Variants in ME3 observed in about 807,000 individuals in gnomAD.
ME3 encodes malic enzyme 3.
Under a neutral mutation model 68.9 loss-of-function variants are expected in ME3, and 48 were observed. The ratio of observed to expected loss-of-function variants is 0.70; its 90% CI spans 0.55 to 0.89. ME3 has a LOEUF of 0.89. ME3 is among the 40% of genes least tolerant of loss of function. ME3 has a pLI of 0.00. For missense variants in ME3, 675 were observed against 797.4 expected (o/e 0.85, Z 1.85); for synonymous variants, 320 against 318.8 (o/e 1.00, Z -0.04).
intron 2 of ME3, among the ~76,000 whole-genome samples, chr11:86,584,094 A>G (rs960144264): frequency 2.0e-5 from 3 of 152,214 alleles, no homozygotes; most frequent in Admixed American, 1.3e-4. Context: ...TCCAAAATAT[A>G]TAAGGAACTC....
chr11:86,589,314 T>C (rs1958919829), intron 2 of ME3, among the ~76,000 whole-genome samples: 1 of 151,760 alleles, frequency 6.6e-6, no homozygotes, highest in African/African-American at 2.4e-5. Context: ...GTGCCTGGCT[T>C]GTAGTAGGAG....
chr11:86,601,073 G>C (rs1414152511), intron 2 of ME3, among the ~76,000 whole-genome samples: 2 of 152,104 alleles, frequency 1.3e-5, no homozygotes, highest in African/African-American at 2.4e-5. Context: ...ACATTCAAAA[G>C]CTAGCAGAAG....
At chr11:86,483,390 C>T (rs1951520232) in intron 7 of ME3, among the ~76,000 whole-genome samples, 1 of 151,992 alleles carries the variant, frequency 6.6e-6, no homozygotes, top group Admixed American at 6.6e-5. Flanking sequence ...GTAACTGGCT[C>T]CAGATATCAG....
At chr11:86,651,032 C>T (rs1331739565) in intron 2 of ME3, among the ~76,000 whole-genome samples, 1 of 152,168 alleles carries the variant, frequency 6.6e-6, no homozygotes, top group Non-Finnish European at 1.5e-5. Flanking sequence ...TGCAAGGTGG[C>T]AGCGAGGCTG....
At chr11:86,437,952 T>G (rs532990773), downstream of ME3, among the ~76,000 whole-genome samples, 3 of 152,290 alleles carry the variant, frequency 2.0e-5, no homozygotes, top group Admixed American at 2.0e-4. Flanking sequence ...TACTCTTTCT[T>G]TCCAATCTTG....
At chr11:86,478,732 C>T (rs1160283012) in intron 7 of ME3, among the ~76,000 whole-genome samples, 1 of 152,184 alleles carries the variant, frequency 6.6e-6, no homozygotes, top group Admixed American at 6.5e-5. Context: ...CAATGAAAAA[C>T]AATAAAGTGT....
At chr11:86,660,658 A>C (rs1946215408) in intron 2 of ME3, among the ~76,000 whole-genome samples, 1 of 152,122 alleles carries the variant, frequency 6.6e-6, no homozygotes, top group African/African-American at 2.4e-5. Flanking sequence ...GTGTCACACA[A>C]AATTGATTCT....
rs1370540032 is a variant in ME3, at chr11:86,641,014, T to C, written c.183+30748A>G. Among the ~76,000 whole-genome samples the C allele has an allele frequency of 5.4e-5, 7 of 129,830 alleles. No individual in the cohort carries two copies. In the South Asian group the frequency reaches 2.1e-3, roughly 38 times the overall value. The allele number at this position is 129,830 out of a possible 152,430, so 85.2% of individuals were successfully genotyped here. Reference sequence around the variant, plus strand: ...AACTGGGGAGCAAGCTAAGCACACATATAACCTGCTCTCAATTTCACTGGG... The same window carrying C: ...AACTGGGGAGCAAGCTAAGCACACACATAACCTGCTCTCAATTTCACTGGG... On this transcript the variant is annotated intron_variant, in intron 2 of 14. Coordinates refer to ENST00000543262, the Ensembl canonical transcript of ME3.
intron 4 of ME3, among the ~76,000 whole-genome samples, chr11:86,532,831 G>A (rs1955361580): frequency 6.6e-6 from 1 of 152,222 alleles, no homozygotes; most frequent in South Asian, 2.1e-4. Flanking sequence ...AGACCAAGGT[G>A]GGCGGATCAA....
At chr11:86,534,353 T>C (rs775961118) in intron 4 of ME3, among the ~76,000 whole-genome samples, 1 of 152,146 alleles carries the variant, frequency 6.6e-6, no homozygotes, top group Non-Finnish European at 1.5e-5. Flanking sequence ...TTTAAGTTAA[T>C]TTTTTTCTCT....
intron 2 of ME3, among the ~76,000 whole-genome samples, chr11:86,660,460 G>A (rs1349395762): frequency 3.3e-5 from 5 of 152,330 alleles, no homozygotes; most frequent in Admixed American, 3.3e-4. Context: ...ATAGCAACTT[G>A]TCAAGTAGAT....
chr11:86,527,437 C>T (rs545458080), intron 4 of ME3, among the ~76,000 whole-genome samples: 1 of 152,222 alleles, frequency 6.6e-6, no homozygotes, highest in East Asian at 1.9e-4. Flanking sequence ...TTGGAAAATA[C>T]TCTGCCGGAT....
At chr11:86,607,960 G>A (rs1942274062) in intron 2 of ME3, among the ~76,000 whole-genome samples, 1 of 152,056 alleles carries the variant, frequency 6.6e-6, no homozygotes, top group African/African-American at 2.4e-5. Context: ...TGTCTCCCCT[G>A]GGTGCCAGAA....
In ME3 at chr11:86,532,511, T is replaced by G. The variant is rs555462177; in HGVS notation, c.468-23644A>C. Among the ~76,000 whole-genome samples the G allele has an allele frequency of 3.9e-5, 6 of 152,296 alleles. No individual in the cohort carries two copies. In the South Asian group the frequency reaches 1.0e-3, roughly 26 times the overall value. The stretch of plus-strand genomic sequence containing the variant: ...AATTTAAGGATGTTGAAATCCTATC[T>G]ATGGAAAGTATCTTTTCTAATCACT... On this transcript the variant is annotated intron_variant, in intron 4 of 14. Coordinates refer to ENST00000543262, the Ensembl canonical transcript of ME3.
At chr11:86,503,704 C>G (rs909595248) in intron 5 of ME3, among the ~76,000 whole-genome samples, 3 of 152,256 alleles carry the variant, frequency 2.0e-5, no homozygotes, top group African/African-American at 4.8e-5. Context: ...TAGGTAGGCA[C>G]TTGGCACTAG....
intron 2 of ME3, among the ~76,000 whole-genome samples, chr11:86,667,224 CCTGA>C (rs768953894): frequency 6.6e-5 from 10 of 152,140 alleles, no homozygotes; most frequent in Non-Finnish European, 1.2e-4. Flanking sequence ...TCATTCTTTC[CCTGA>C]CTATCAAGCT....
rs541620000 is a variant in ME3 at position 86,597,707 on chromosome 11, C to A, written c.184-37884G>T. ...TTAAAATATTTGAAGAGATTTATTT[C>A]GAGCCAAATATGAGTGACCACGGCC... On this transcript the variant is annotated intron_variant, in intron 2 of 14. Transcript: ENST00000543262. 3.3e-5 allele frequency among the ~76,000 whole-genome samples: 5 copies of A among 152,062 alleles called. 1 individual carries two copies. Among genetic ancestry groups the A allele is most frequent in the Admixed American group, 3.3e-4 (5 of 15,280 alleles).
At chr11:86,578,221 A>G (rs2139593002) in intron 2 of ME3, among the ~76,000 whole-genome samples, 1 of 152,302 alleles carries the variant, frequency 6.6e-6, no homozygotes. Context: ...TTTAAATAAT[A>G]CTGTTCTTGG....
intron 4 of ME3, among the ~76,000 whole-genome samples, chr11:86,546,397 A>G (rs1017278429): frequency 6.6e-6 from 1 of 152,186 alleles, no homozygotes; most frequent in Non-Finnish European, 1.5e-5. Context: ...ATGGGAGAAA[A>G]ATTTTGCAAT....
Sources: gnomAD v4.1 joint callset for allele counts (sites outside exome capture counted in the v4.1 genomes callset) on GRCh38, gnomAD v4.1.1 for gene constraint, MANE v1.5 for transcripts, NCBI Gene and HGNC (gene_info 2026-07-23, HGNC 2026-07-21) for gene names.